Variants in ACADSB observed in about 807,000 individuals in gnomAD.
The protein encoded by ACADSB is acyl-CoA dehydrogenase short/branched chain.
A neutral mutation model predicts 54.1 loss-of-function variants in ACADSB; 40 were observed. That is an observed-to-expected ratio of 0.74 (90% CI 0.57 to 0.96). The LOEUF (loss-of-function observed/expected upper bound fraction) is 0.96, where lower values mean the gene tolerates loss of function less well. ACADSB is among the 40% of genes least tolerant of loss of function. ACADSB has a pLI of 0.00. For synonymous variants in ACADSB, 182 were observed against 182.8 expected (o/e 1.00, Z 0.03); for missense variants, 530 against 510.4 (o/e 1.04, Z -0.37).
chr10:123,053,606 G>A (rs1850661416), intron 10 of ACADSB, 89 bp from the exon 11 acceptor site: 2 of 1,108,996 alleles, frequency 1.8e-6, no homozygotes, highest in Non-Finnish European at 2.8e-6. Context: ...CTGTTTTATA[G>A]CAAGCGCAGA....
At chr10:123,041,171 C>CTAATTTATACAG in intron 4 of ACADSB, 38 bp from the exon 5 acceptor site, 1 of 1,599,248 alleles carries the variant, frequency 6.3e-7, no homozygotes, top group Admixed American at 1.7e-5. Flanking sequence ...AGTATAAATA[C>CTAATTTATACAG]AGTTATTAAT....
chr10:123,046,836 G>T (rs1850566038), intron 7 of ACADSB, among the ~76,000 whole-genome samples: 9 of 152,166 alleles, frequency 5.9e-5, no homozygotes. Context: ...TAGCCTTCAA[G>T]GCCAGTTCTG....
intron 1 of ACADSB, among the ~76,000 whole-genome samples, chr10:123,033,608 T>A (rs1850357441): frequency 6.6e-6 from 1 of 152,126 alleles, no homozygotes; most frequent in African/African-American, 2.4e-5. Context: ...CGTATTGAGC[T>A]CTTTACTATA....
chr10:123,029,113 A>G (rs768518792), intron 1 of ACADSB, among the ~76,000 whole-genome samples: 5 of 152,054 alleles, frequency 3.3e-5, no homozygotes, highest in Non-Finnish European at 5.9e-5. Context: ...TTGGGAGGCC[A>G]AGGTGGGCAG....
At chr10:123,024,164 C>T (rs1850218470) in intron 1 of ACADSB, among the ~76,000 whole-genome samples, 1 of 152,232 alleles carries the variant, frequency 6.6e-6, no homozygotes, top group African/African-American at 2.4e-5. Context: ...AAAGTGATAG[C>T]CATGAATGGT....
intron 5 of ACADSB, among the ~76,000 whole-genome samples, chr10:123,041,958 TTTC>T (rs1850480293): frequency 7.6e-6 from 1 of 131,584 alleles, no homozygotes; most frequent in Non-Finnish European, 1.6e-5. Flanking sequence ...GCTAATCTTT[TTTC>T]TTTTCTTTTT....
chr10:123,013,796 G>A (rs112752359), intron 1 of ACADSB, among the ~76,000 whole-genome samples: 3 of 152,198 alleles, frequency 2.0e-5, no homozygotes, highest in African/African-American at 7.2e-5. Flanking sequence ...CGGCCGCTCC[G>A]AGTGCAGGGC....
chr10:123,023,227 T>C (rs1013784381), intron 1 of ACADSB, among the ~76,000 whole-genome samples: 7 of 152,226 alleles, frequency 4.6e-5, no homozygotes, highest in East Asian at 3.8e-4. Flanking sequence ...TGCCAAACCC[T>C]GACACCTCAA....
chr10:123,031,272 A>G (rs1021535053), intron 1 of ACADSB, among the ~76,000 whole-genome samples: 1 of 152,244 alleles, frequency 6.6e-6, no homozygotes, highest in South Asian at 2.1e-4. Flanking sequence ...ATCCAAGTTC[A>G]TGGACTTTAT....
intron 1 of ACADSB, among the ~76,000 whole-genome samples, chr10:123,029,349 A>C (rs1374372377): frequency 1.3e-5 from 2 of 151,992 alleles, no homozygotes; most frequent in Admixed American, 6.6e-5. Context: ...CTGTCTCAAA[A>C]AAAAAGAGAA....
chr10:123,019,286 A>C (rs1015349757), intron 1 of ACADSB, among the ~76,000 whole-genome samples: 9 of 152,258 alleles, frequency 5.9e-5, no homozygotes, highest in African/African-American at 1.9e-4. Context: ...GGAAATTGAC[A>C]TTGATACTGT....
chr10:123,024,125 C>T (rs981117440), intron 1 of ACADSB, among the ~76,000 whole-genome samples: 2 of 152,222 alleles, frequency 1.3e-5, no homozygotes, highest in African/African-American at 4.8e-5. Flanking sequence ...TTTGATAAGG[C>T]CACGCTTTCC....
rs1313142860 is a variant in ACADSB, at chr10:123,055,536, G to A, written c.*1771G>A. On this transcript the variant is annotated 3_prime_UTR_variant, in exon 11 of 11. Coordinates refer to ENST00000358776, the MANE Select transcript of ACADSB (RefSeq NM_001609.4). ...GTCCTCACATTTCAAAACCAATCAT[G>A]CCTTCCCAACAGTCCCCCAAAGTCT... 6.6e-6 allele frequency: 1 copy of A among 152,096 alleles called. No individual in the cohort carries two copies. Among genetic ancestry groups the A allele is most frequent in the African/African-American group, 2.4e-5 (1 of 41,392 alleles). The allele number at this position is 152,096 out of a possible 1,614,324, so 9.4% of individuals were successfully genotyped here.
At chr10:123,026,331 A>G (rs1850250932) in intron 1 of ACADSB, among the ~76,000 whole-genome samples, 2 of 152,182 alleles carry the variant, frequency 1.3e-5, no homozygotes, top group African/African-American at 4.8e-5. Flanking sequence ...TGTCTCTACT[A>G]TTGTTAATCT....
At chr10:123,045,264 C>T (rs1319599254) in intron 7 of ACADSB, among the ~76,000 whole-genome samples, 4 of 141,492 alleles carry the variant, frequency 2.8e-5, no homozygotes, top group African/African-American at 5.3e-5. Context: ...CTGCAAGCTC[C>T]GCCTCCTGGG....
chr10:123,012,969 C>G (rs1850057636), intron 1 of ACADSB, among the ~76,000 whole-genome samples: 1 of 151,954 alleles, frequency 6.6e-6, no homozygotes, highest in African/African-American at 2.4e-5. Context: ...TTCTCCACCT[C>G]CCCACTAGAT....
In ACADSB at chr10:123,055,261, CT is replaced by C; in HGVS notation, c.*1498del. ...GAATCATGGTGGGAGGCAAAAAGCA[CT>C]TCTTACATGGCGGCAGCAAGAGAAA... On this transcript the variant is annotated 3_prime_UTR_variant, in exon 11 of 11. Transcript: ENST00000358776. 1 of 198,360 alleles carries C rather than the reference CT, an allele frequency of 5.0e-6. No homozygotes were observed. The highest frequency in any genetic ancestry group is 9.9e-6 in the Non-Finnish European group (1 of 101,204). The allele number at this position is 198,360 out of a possible 1,614,324, so 12.3% of individuals were successfully genotyped here.
chr10:123,044,709 T>C (rs917844200), intron 7 of ACADSB, among the ~76,000 whole-genome samples: 3 of 152,200 alleles, frequency 2.0e-5, no homozygotes, highest in African/African-American at 7.2e-5. Context: ...TGTTTCTGCT[T>C]TGAGAACATT....
intron 1 of ACADSB, among the ~76,000 whole-genome samples, chr10:123,020,999 T>A (rs1336450376): frequency 6.6e-6 from 1 of 152,122 alleles, no homozygotes; most frequent in Non-Finnish European, 1.5e-5. Flanking sequence ...CAAAACTCCG[T>A]CTCAATAAAT....
Sources: allele counts gnomAD v4.1 joint callset (sites outside exome capture counted in the v4.1 genomes callset), GRCh38; gene constraint gnomAD v4.1.1; transcripts MANE v1.5; gene names NCBI Gene and HGNC (gene_info 2026-07-23, HGNC 2026-07-21).